The following SV2C variants were observed in gnomAD, a reference collection of about 807,000 sequenced individuals.
The protein encoded by SV2C is synaptic vesicle glycoprotein 2C.
Under a neutral mutation model 79.7 loss-of-function variants are expected in SV2C, and 49 were observed. That is an observed-to-expected ratio of 0.61 (90% CI 0.49 to 0.78). SV2C has a LOEUF of 0.78. Ranked by LOEUF, SV2C falls within the 30% of genes least tolerant of loss-of-function variation. The pLI is 0.00. For missense variants in SV2C, 833 were observed against 912.9 expected, an observed-to-expected ratio of 0.91 and a Z score of 1.13; for synonymous variants, 334 against 333.2, an observed-to-expected ratio of 1.00 and a Z score of -0.03.
intron 4 of SV2C, among the ~76,000 whole-genome samples, chr5:76,284,767 C>T (rs949049955): frequency 6.6e-6 from 1 of 152,168 alleles, no homozygotes; most frequent in Non-Finnish European, 1.5e-5. Flanking sequence ...GCAAGGGAGC[C>T]GGTTGATGCA....
intron 12 of SV2C, among the ~76,000 whole-genome samples, chr5:76,304,537 T>G (rs1748121833): frequency 6.6e-6 from 1 of 152,242 alleles, no homozygotes; most frequent in South Asian, 2.1e-4. Context: ...TCTCTTGTGT[T>G]GCTCTAACAA....
upstream of SV2C, chr5:76,082,516 C>T (rs1747023842): frequency 6.6e-6 from 1 of 150,402 alleles, no homozygotes; most frequent in South Asian, 2.1e-4. Flanking sequence ...CTCTCTCTCC[C>T]TCTCTCTCTC....
At chr5:76,271,535 G>A (rs1746857328) in intron 4 of SV2C, among the ~76,000 whole-genome samples, 2 of 151,720 alleles carry the variant, frequency 1.3e-5, no homozygotes, top group African/African-American at 4.8e-5. Flanking sequence ...GAGCATACGT[G>A]GAGCATTTAT....
the SV2C span, among the ~76,000 whole-genome samples, chr5:75,953,903 C>A: frequency 0.058 from 8,779 of 151,968 alleles, 812 homozygotes; most frequent in African/African-American, 0.19. Context: ...GTTTCCTGCA[C>A]CTCCAAATGA....
At chr5:76,138,954 T>A (rs1749159277) in intron 2 of SV2C, among the ~76,000 whole-genome samples, 1 of 151,994 alleles carries the variant, frequency 6.6e-6, no homozygotes, top group Non-Finnish European at 1.5e-5. Flanking sequence ...CCATCTCTAC[T>A]AAAAATCCAA....
chr5:76,114,364 G>A (rs1335617295), intron 1 of SV2C, among the ~76,000 whole-genome samples: 1 of 152,154 alleles, frequency 6.6e-6, no homozygotes, highest in Non-Finnish European at 1.5e-5. Context: ...CTTGCAAAAT[G>A]AAATATTTAC....
intron 2 of SV2C, among the ~76,000 whole-genome samples, chr5:76,137,828 A>C (rs546520749): frequency 2.6e-5 from 4 of 152,200 alleles, no homozygotes; most frequent in Non-Finnish European, 5.9e-5. Context: ...TTGAAGCTGG[A>C]GTGGGAGTGG....
At chr5:75,956,356 T>G in the SV2C span, among the ~76,000 whole-genome samples, 412 of 126,784 alleles carry the variant, frequency 3.2e-3, 5 homozygotes, top group Non-Finnish European at 4.9e-3. Flanking sequence ...TGAGAACACA[T>G]GGACACAGGA....
At chr5:76,080,346 G>A (rs1746966023), upstream of SV2C, among the ~76,000 whole-genome samples, 1 of 152,204 alleles carries the variant, frequency 6.6e-6, no homozygotes, top group Non-Finnish European at 1.5e-5. Context: ...ATAGTGAGGA[G>A]AAGTGGAGAG....
At chr5:75,873,721 A>C in the SV2C span, among the ~76,000 whole-genome samples, 1 of 152,160 alleles carries the variant, frequency 6.6e-6, no homozygotes, top group Non-Finnish European at 1.5e-5. Flanking sequence ...GAAATGATGA[A>C]GTAAATGTTA....
the SV2C span, among the ~76,000 whole-genome samples, chr5:76,035,475 A>G: frequency 6.6e-6 from 1 of 152,072 alleles, no homozygotes. Context: ...GTTTCAAAGA[A>G]CATCTTTATT....
the SV2C span, among the ~76,000 whole-genome samples, chr5:76,032,216 A>G: frequency 6.7e-6 from 1 of 149,060 alleles, no homozygotes; most frequent in Non-Finnish European, 1.5e-5. Context: ...GACAGTGACC[A>G]TATCTTCTTT....
At chr5:76,342,567 C>A (rs970449429) in intron 12 of SV2C, among the ~76,000 whole-genome samples, 4 of 152,178 alleles carry the variant, frequency 2.6e-5, no homozygotes, top group Non-Finnish European at 4.4e-5. Flanking sequence ...CCAGGCCCCA[C>A]AGGGCACACT....
the SV2C span, among the ~76,000 whole-genome samples, chr5:76,002,377 C>G: frequency 6.6e-6 from 1 of 152,106 alleles, no homozygotes; most frequent in Non-Finnish European, 1.5e-5. Flanking sequence ...TCCACAATCT[C>G]TGCTGCTCAC....
Position 76,171,539 on chromosome 5 carries a change from C to T in SV2C, c.581-23380C>T, listed in dbSNP as rs1297631343. On this transcript the variant is annotated intron_variant, in intron 2 of 12. Transcript: ENST00000502798. ...GTCTGAGAAGTGAGGAGCCTCTCCG[C>T]CCGGCAGCCACCCCATCTGGGAAGT... Among the ~76,000 whole-genome samples, 25 of 142,408 alleles carry T rather than the reference C, an allele frequency of 1.8e-4. 1 individual carries two copies. Among genetic ancestry groups the T allele is most frequent in the African/African-American group, 6.0e-4 (24 of 39,966 alleles). The allele number at this position is 142,408 out of a possible 152,430, so 93.4% of individuals were successfully genotyped here.
the SV2C span, among the ~76,000 whole-genome samples, chr5:76,008,215 AG>A: frequency 2.0e-5 from 3 of 152,162 alleles, no homozygotes; most frequent in Non-Finnish European, 2.9e-5. Flanking sequence ...TGTCCTCTTC[AG>A]GGGGAAGTCA....
At chr5:76,312,749 T>C (rs1356308421) in intron 12 of SV2C, among the ~76,000 whole-genome samples, 2 of 152,154 alleles carry the variant, frequency 1.3e-5, no homozygotes, top group Admixed American at 6.5e-5. Context: ...CTTTCCCCCT[T>C]ATGCCCCCTT....
intron 2 of SV2C, among the ~76,000 whole-genome samples, chr5:76,152,214 A>G (rs1749627001): frequency 6.6e-6 from 1 of 152,196 alleles, no homozygotes; most frequent in Non-Finnish European, 1.5e-5. Context: ...TGTCAGATGA[A>G]CTGCTCGATT....
chr5:75,987,466 T>C, the SV2C span, among the ~76,000 whole-genome samples: 1 of 151,940 alleles, frequency 6.6e-6, no homozygotes, highest in African/African-American at 2.4e-5. Flanking sequence ...CTAAAGATGA[T>C]AGAGCAGAGA....
Sources: gnomAD v4.1 joint callset for allele counts (sites outside exome capture counted in the v4.1 genomes callset) on GRCh38, gnomAD v4.1.1 for gene constraint, MANE v1.5 for transcripts, NCBI Gene and HGNC (gene_info 2026-07-23, HGNC 2026-07-21) for gene names.